FRMD5: variants seen among roughly 807,000 people sequenced by gnomAD.
FRMD5 encodes the protein FERM domain containing 5.
Under a neutral mutation model 69.0 loss-of-function variants are expected in FRMD5, and 20 were observed. The observed-to-expected ratio is 0.29, with a 90% CI of 0.20 to 0.42. The LOEUF is 0.42. Ranked by LOEUF, FRMD5 falls within the 10% of genes least tolerant of loss-of-function variation. The pLI, the probability that FRMD5 is intolerant of heterozygous loss-of-function variation, is 1.00. For missense variants in FRMD5, 595 were observed against 708.6 expected, an observed-to-expected ratio of 0.84 and a Z score of 1.82; for synonymous variants, 271 against 260.1, an observed-to-expected ratio of 1.04 and a Z score of -0.40.
intron 1 of FRMD5, among the ~76,000 whole-genome samples, chr15:44,112,061 T>C (rs1399111277): frequency 1.3e-5 from 2 of 152,144 alleles, no homozygotes; most frequent in Non-Finnish European, 2.9e-5. Flanking sequence ...GCCAGGATGG[T>C]CTCCATCTCC....
At chr15:44,147,912 G>A (rs1423209600) in intron 1 of FRMD5, among the ~76,000 whole-genome samples, 1 of 152,006 alleles carries the variant, frequency 6.6e-6, no homozygotes, top group Non-Finnish European at 1.5e-5. Context: ...GAGCCAGGGT[G>A]GGCAAAAAAA....
At chr15:44,040,864 G>C (rs904839034) in intron 1 of FRMD5, among the ~76,000 whole-genome samples, 1 of 151,762 alleles carries the variant, frequency 6.6e-6, no homozygotes, top group Non-Finnish European at 1.5e-5. Flanking sequence ...AAAACACACA[G>C]ACTGGCAAAT....
At chr15:43,898,058 T>G (rs1207236510) in intron 7 of FRMD5, among the ~76,000 whole-genome samples, 1 of 152,198 alleles carries the variant, frequency 6.6e-6, no homozygotes, top group Non-Finnish European at 1.5e-5. Context: ...CAGTCTCAGG[T>G]AGTTCTTTAT....
rs558418327 is a variant in FRMD5, at chr15:43,874,573, A to G, written c.1136-111T>C. ...CATTCTGCACACCCACATGACCAGC[A>G]GCAGTAGCCACTGCACTCTATTTTG... On this transcript the variant is annotated intron_variant, in intron 13 of 13. Transcript: ENST00000417257. 2,178 of 742,136 alleles carry G rather than the reference A, an allele frequency of 2.9e-3. 19 individuals carry two copies. Among genetic ancestry groups the G allele is most frequent in the South Asian group, 0.017 (1,041 of 61,010 alleles). The allele number at this position is 742,136 out of a possible 1,614,324, so 46.0% of individuals were successfully genotyped here. A position where few individuals can be genotyped will look rare whatever the true frequency, so the allele number is the denominator to read the frequency against.
chr15:44,069,652 T>C (rs956634218), intron 1 of FRMD5, among the ~76,000 whole-genome samples: 1 of 152,124 alleles, frequency 6.6e-6, no homozygotes, highest in East Asian at 1.9e-4. Flanking sequence ...TTGCCAAGTG[T>C]CAAGGATGAG....
At chr15:44,006,097 G>C (rs1211371073) in intron 1 of FRMD5, among the ~76,000 whole-genome samples, 1 of 152,174 alleles carries the variant, frequency 6.6e-6, no homozygotes, top group Non-Finnish European at 1.5e-5. Flanking sequence ...TCAAAGGACA[G>C]GCTGACTCAG....
chr15:44,006,457 T>C (rs1890453344), intron 1 of FRMD5, among the ~76,000 whole-genome samples: 1 of 152,176 alleles, frequency 6.6e-6, no homozygotes, highest in Non-Finnish European at 1.5e-5. Context: ...AAGGAGTAAT[T>C]TGCACTTTCA....
At chr15:44,113,758 T>C (rs973636806) in intron 1 of FRMD5, among the ~76,000 whole-genome samples, 45 of 152,296 alleles carry the variant, frequency 3.0e-4, no homozygotes, top group African/African-American at 1.0e-3. Context: ...TTTTTGACCT[T>C]GAAAAAGTCA....
chr15:44,087,623 T>G (rs1487352426), intron 1 of FRMD5, among the ~76,000 whole-genome samples: 4 of 152,080 alleles, frequency 2.6e-5, no homozygotes, highest in Non-Finnish European at 5.9e-5. Context: ...ATAGAACCCA[T>G]CCCAAAATTG....
At chr15:44,172,726 C>T (rs997723803) in intron 1 of FRMD5, among the ~76,000 whole-genome samples, 1 of 152,070 alleles carries the variant, frequency 6.6e-6, no homozygotes, top group African/African-American at 2.4e-5. Flanking sequence ...CTCAGAACTA[C>T]TTAAAATATA....
chr15:44,010,044 A>T (rs1890643178), intron 1 of FRMD5, among the ~76,000 whole-genome samples: 1 of 152,182 alleles, frequency 6.6e-6, no homozygotes, highest in South Asian at 2.1e-4. Context: ...CATTTTTATT[A>T]TCCAATTTCT....
upstream of FRMD5, among the ~76,000 whole-genome samples, chr15:44,198,529 A>T (rs1402354918): frequency 6.6e-6 from 1 of 152,230 alleles, no homozygotes; most frequent in African/African-American, 2.4e-5. Flanking sequence ...ATCTAGATGT[A>T]TGTCTCCACA....
chr15:44,189,337 T>C (rs1325136593), intron 1 of FRMD5, among the ~76,000 whole-genome samples: 11 of 152,138 alleles, frequency 7.2e-5, no homozygotes, highest in Non-Finnish European at 1.6e-4. Flanking sequence ...CATGTTGACC[T>C]TGGGAGGCAA....
chr15:43,951,713 T>G lies in FRMD5; in HGVS notation c.103-27404A>C, dbSNP rs944427033. Among the ~76,000 whole-genome samples, 7 of 152,298 alleles carry G rather than the reference T, an allele frequency of 4.6e-5. No individual in the cohort carries two copies. In the South Asian group the frequency reaches 8.3e-4, roughly 18 times the overall value. On this transcript the variant is annotated intron_variant, in intron 1 of 13. Coordinates refer to ENST00000417257, the MANE Select transcript of FRMD5 (RefSeq NM_032892.5). The stretch of plus-strand genomic sequence containing the variant: ...GCTTTTGAGCCTTAAACTGCTGTAT[T>G]AGCAAACTACTTAGGATAGCTCTTG...
At chr15:44,174,974 T>G (rs1005090870) in intron 1 of FRMD5, among the ~76,000 whole-genome samples, 14 of 152,080 alleles carry the variant, frequency 9.2e-5, no homozygotes, top group Non-Finnish European at 1.5e-5. Flanking sequence ...AAAACCTAGA[T>G]GACAGGTTGA....
chr15:44,164,429 G>A (rs2077675209), intron 1 of FRMD5, among the ~76,000 whole-genome samples: 1 of 151,798 alleles, frequency 6.6e-6, no homozygotes, highest in African/African-American at 2.4e-5. Context: ...ATCAGCCTAA[G>A]GATCAGGGAC....
At chr15:43,971,982 G>A (rs1329003318) in intron 1 of FRMD5, among the ~76,000 whole-genome samples, 1 of 150,544 alleles carries the variant, frequency 6.6e-6, no homozygotes, top group Non-Finnish European at 1.5e-5. Flanking sequence ...CTTTGCCTGA[G>A]GTCAGGAGTT....
chr15:43,973,994 C>A (rs531058625), intron 1 of FRMD5, among the ~76,000 whole-genome samples: 40 of 151,536 alleles, frequency 2.6e-4, no homozygotes, highest in Non-Finnish European at 5.3e-4. Flanking sequence ...ATGTTAGGAT[C>A]CCATTGAACA....
At chr15:44,109,780 C>G (rs1160151480) in intron 1 of FRMD5, among the ~76,000 whole-genome samples, 1 of 152,178 alleles carries the variant, frequency 6.6e-6, no homozygotes, top group Non-Finnish European at 1.5e-5. Flanking sequence ...AGTTTTACTG[C>G]CCTAAAAATC....
Sources: gnomAD v4.1 joint callset for allele counts (sites outside exome capture counted in the v4.1 genomes callset) on GRCh38, gnomAD v4.1.1 for gene constraint, MANE v1.5 for transcripts, NCBI Gene and HGNC (gene_info 2026-07-23, HGNC 2026-07-21) for gene names.